NAV3: variants seen among roughly 807,000 people sequenced by gnomAD.
The protein encoded by NAV3 is pore membrane and/or filament interacting like protein 1.
In NAV3, 87 loss-of-function variants were observed where a neutral mutation model predicts 244.7. The ratio of observed to expected loss-of-function variants is 0.36; its 90% CI spans 0.30 to 0.42. The LOEUF (loss-of-function observed/expected upper bound fraction) is 0.42, where lower values mean the gene tolerates loss of function less well. Among genes scored for constraint, NAV3 ranks in the 20% least tolerant of loss-of-function variants. The pLI is 1.00. For synonymous variants in NAV3, 1,126 were observed against 1,042.2 expected (o/e 1.08, Z -1.55); for missense variants, 2,663 against 2,893.3 (o/e 0.92, Z 1.83).
rs550949738 is a variant in NAV3 at position 77,894,651 on chromosome 12, A to C, written c.244-45668A>C. Among the ~76,000 whole-genome samples, 23 of 152,330 alleles carry C rather than the reference A, an allele frequency of 1.5e-4. No homozygotes were observed. The East Asian group carries it at 4.1e-3, about 27-fold the overall frequency. ...TGCAAACTCAAATAAATGTCTATGAAGATAAGACAAGATCCCTATTTTGAA... is the reference window on the plus strand; with the variant it reads ...TGCAAACTCAAATAAATGTCTATGACGATAAGACAAGATCCCTATTTTGAA... On this transcript the variant is annotated intron_variant, in intron 1 of 39. Transcript: ENST00000397909.
rs531816356 is a variant in NAV3, at chr12:77,659,346, A to G, written c.72+87080A>G. 7.2e-5 allele frequency among the ~76,000 whole-genome samples: 11 copies of G among 152,170 alleles called. No individual in the cohort carries two copies. In the South Asian group the frequency reaches 1.7e-3, roughly 23 times the overall value. The stretch of plus-strand genomic sequence containing the variant: ...AAAGAAGACATTTATGCAGCCAAAA[A>G]ACACATGAAAAAATGCTCACCATCA... On this transcript the variant is annotated intron_variant, in intron 2 of 8. Transcript: ENST00000550042.
intron 2 of NAV3, among the ~76,000 whole-genome samples, chr12:77,707,939 T>G (rs1875909779): frequency 6.6e-6 from 1 of 152,234 alleles, no homozygotes; most frequent in South Asian, 2.1e-4. Context: ...TTTGAGTTCT[T>G]TGTAGATTTT....
intron 2 of NAV3, among the ~76,000 whole-genome samples, chr12:77,802,102 A>G (rs1871740589): frequency 1.3e-5 from 2 of 152,226 alleles, no homozygotes; most frequent in African/African-American, 4.8e-5. Flanking sequence ...GATTTAAAAG[A>G]AGCTATCTTC....
chr12:77,597,445 G>T lies in NAV3; in HGVS notation c.72+25179G>T, dbSNP rs1396358913. Among the ~76,000 whole-genome samples the T allele has an allele frequency of 3.3e-5, 5 of 152,112 alleles. No individual in the cohort carries two copies. The East Asian group carries it at 5.8e-4, about 18-fold the overall frequency. ...CTTTATCTTCTAGGGCATAGACGAG[G>T]CTTAGTAATTTTCAGTGACGCTAAG... On this transcript the variant is annotated intron_variant, in intron 2 of 8. Transcript: ENST00000550042.
chr12:77,749,283 A>G (rs147816159), intron 2 of NAV3, among the ~76,000 whole-genome samples: 2 of 152,362 alleles, frequency 1.3e-5, no homozygotes, highest in African/African-American at 4.8e-5. Flanking sequence ...GCAATGTCAC[A>G]TTTCTAACGA....
intron 1 of NAV3, among the ~76,000 whole-genome samples, chr12:77,932,176 A>G (rs1345970900): frequency 2.0e-5 from 3 of 152,138 alleles, no homozygotes; most frequent in Non-Finnish European, 4.4e-5. Flanking sequence ...ACATAAGTAT[A>G]TATAATTTTA....
chr12:78,048,789 G>C (rs772363246), intron 9 of NAV3, among the ~76,000 whole-genome samples: 1 of 152,222 alleles, frequency 6.6e-6, no homozygotes, highest in Non-Finnish European at 1.5e-5. Flanking sequence ...GCAGGCAAGA[G>C]TGTTTTAGTC....
At position 77,658,142 on chromosome 12, in the gene NAV3, C is replaced by T. The variant is rs1323972140; in HGVS notation, c.72+85876C>T. Among the ~76,000 whole-genome samples the T allele has an allele frequency of 3.3e-5, 5 of 152,030 alleles. No homozygotes were observed. In the East Asian group the frequency reaches 5.8e-4, roughly 18 times the overall value. The stretch of plus-strand genomic sequence containing the variant: ...GCAGGAGAAAGAAATAAAGGGTATT[C>T]AATTAGGAAAAGAGGAAGTCAAATT... On this transcript the variant is annotated intron_variant, in intron 2 of 8. Transcript: ENST00000550042.
chr12:78,179,509 C>G lies in NAV3; in HGVS notation c.5364-20C>G, dbSNP rs771049543. Reference sequence around the variant, plus strand: ...CTCTGGCTTCCCCAGGCCACTGATTCTGTTTGTTTCCTTCTTCAGGATCTG... The same window carrying G: ...CTCTGGCTTCCCCAGGCCACTGATTGTGTTTGTTTCCTTCTTCAGGATCTG... On this transcript the variant is annotated intron_variant, in intron 28 of 39. Transcript: ENST00000397909. The G allele has an allele frequency of 6.2e-7, 1 of 1,612,710 alleles. No individual in the cohort carries two copies. Among genetic ancestry groups the G allele is most frequent in the Non-Finnish European group, 8.5e-7 (1 of 1,179,236 alleles).
chr12:77,805,517 C>T (rs371508722), intron 2 of NAV3, among the ~76,000 whole-genome samples: 2 of 152,206 alleles, frequency 1.3e-5, no homozygotes, highest in Non-Finnish European at 1.5e-5. Context: ...GGGATGAAAC[C>T]GACTTGATCG....
chr12:78,170,134 C>G (rs1440329488), intron 24 of NAV3, among the ~76,000 whole-genome samples: 1 of 151,674 alleles, frequency 6.6e-6, no homozygotes, highest in Non-Finnish European at 1.5e-5. Context: ...ATCCAGCTAC[C>G]AAGAGAGAAC....
chr12:77,720,507 A>G (rs77650519), intron 2 of NAV3, among the ~76,000 whole-genome samples: 6,575 of 152,148 alleles, frequency 0.043, 487 homozygotes, highest in African/African-American at 0.15. Context: ...TGCAGCTGCC[A>G]TATGCTGCTC....
At chr12:78,072,059 A>G (rs1952798906) in intron 12 of NAV3, among the ~76,000 whole-genome samples, 2 of 152,200 alleles carry the variant, frequency 1.3e-5, no homozygotes, top group South Asian at 4.1e-4. Flanking sequence ...AATTTATAGC[A>G]CTAAATGCCC....
chr12:77,842,352 C>A (rs1875813761), intron 1 of NAV3, among the ~76,000 whole-genome samples: 1 of 151,968 alleles, frequency 6.6e-6, no homozygotes. Context: ...AGTCTCACAT[C>A]CTGAAAGCAG....
chr12:77,881,555 G>T (rs1592882379), intron 1 of NAV3, among the ~76,000 whole-genome samples: 1 of 152,062 alleles, frequency 6.6e-6, no homozygotes, highest in South Asian at 2.1e-4. Flanking sequence ...CTCCTATTCA[G>T]CATATTATTG....
intron 14 of NAV3, among the ~76,000 whole-genome samples, 167 bp downstream of exon 14, chr12:78,118,464 G>A (rs1030247830): frequency 5.9e-5 from 9 of 152,130 alleles, no homozygotes; most frequent in African/African-American, 2.2e-4. Flanking sequence ...TCACAAACTC[G>A]TCATAGAAGC....
At chr12:77,861,048 A>G (rs570936159) in intron 1 of NAV3, among the ~76,000 whole-genome samples, 8 of 151,974 alleles carry the variant, frequency 5.3e-5, no homozygotes, top group Admixed American at 3.9e-4. Flanking sequence ...TCACAGAGAA[A>G]TTTGTCCCGA....
intron 31 of NAV3, among the ~76,000 whole-genome samples, chr12:78,186,243 G>A (rs1958714555): frequency 6.6e-6 from 1 of 151,836 alleles, no homozygotes; most frequent in Non-Finnish European, 1.5e-5. Flanking sequence ...AATTGGCAAT[G>A]CCATTCTGAC....
chr12:77,873,549 CT>C (rs1403200890), intron 1 of NAV3, among the ~76,000 whole-genome samples: 1 of 150,408 alleles, frequency 6.6e-6, no homozygotes, highest in African/African-American at 2.4e-5. Context: ...TTATATGTAA[CT>C]TTTTTTGCAG....
Sources: gnomAD v4.1 joint callset for allele counts (sites outside exome capture counted in the v4.1 genomes callset) on GRCh38, gnomAD v4.1.1 for gene constraint, MANE v1.5 for transcripts, NCBI Gene and HGNC (gene_info 2026-07-23, HGNC 2026-07-21) for gene names.